Variants in KLRG2 observed in about 807,000 individuals in gnomAD.
KLRG2 encodes the protein killer cell lectin like receptor G2.
A neutral mutation model predicts 35.4 loss-of-function variants in KLRG2; 39 were observed. That is an observed-to-expected ratio of 1.10 (90% CI 0.85 to 1.44). KLRG2 has a LOEUF of 1.44. Among genes scored for constraint, KLRG2 ranks in the 40% most tolerant of loss-of-function variants. KLRG2 has a pLI of 0.00. For missense variants in KLRG2, 632 were observed against 570.9 expected (o/e 1.11, Z -1.09); for synonymous variants, 283 against 265.8 (o/e 1.06, Z -0.63).
At chr7:139,481,042 CT>C (rs1422484498) in intron 1 of KLRG2, among the ~76,000 whole-genome samples, 1 of 152,164 alleles carries the variant, frequency 6.6e-6, no homozygotes, top group Admixed American at 6.5e-5. Context: ...CCGTGCCCAG[CT>C]TCAGGAGCCT....
intron 3 of KLRG2, 86 bp from the exon 4 acceptor site, chr7:139,454,300 A>G: frequency 1.4e-6 from 1 of 706,512 alleles, no homozygotes; most frequent in Non-Finnish European, 2.5e-6. Context: ...CTTCCACAGG[A>G]TCCCAGCTGG....
chr7:139,450,036 A>AT (rs916245600), downstream of KLRG2, among the ~76,000 whole-genome samples: 6 of 145,124 alleles, frequency 4.1e-5, no homozygotes, highest in South Asian at 2.2e-4. Context: ...TCTATTAACA[A>AT]TTTTTTTTGT....
chr7:139,453,833 C>G, intron 4 of KLRG2, 126 bp from the exon 5 acceptor site: 1 of 1,137,188 alleles, frequency 8.8e-7, no homozygotes, highest in Non-Finnish European at 1.3e-6. Context: ...AGTCACTGCA[C>G]TGGTCAGCCA....
chr7:139,437,976 T>C, the KLRG2 span, among the ~76,000 whole-genome samples: 3 of 152,168 alleles, frequency 2.0e-5, no homozygotes, highest in East Asian at 5.8e-4. Flanking sequence ...GCTAGTGGCC[T>C]GTTGGGGAAA....
Position 139,453,267 on chromosome 7 carries a change from C to A in KLRG2, c.*320G>T. 2.1e-6 allele frequency: 1 copy of A among 476,062 alleles called. No homozygotes were observed. The highest frequency in any genetic ancestry group is 4.2e-5 in the South Asian group (1 of 23,958). 29.5% of individuals were successfully genotyped at this position (476,062 alleles called of 1,614,324 possible). A position where few individuals can be genotyped will look rare whatever the true frequency, so the allele number is the denominator to read the frequency against. On this transcript the variant is annotated 3_prime_UTR_variant, in exon 5 of 5. Transcript: ENST00000340940. Reference sequence around the variant, plus strand: ...TGGTTGTTAACCCTGTCTTTTTCCTCTAGGGGGAAATTGTCATTTTAATGA... The same window carrying A: ...TGGTTGTTAACCCTGTCTTTTTCCTATAGGGGGAAATTGTCATTTTAATGA...
Position 139,453,582 on chromosome 7 carries a change from C to T in KLRG2, c.*5G>A. The T allele has an allele frequency of 1.3e-6, 2 of 1,591,178 alleles. No individual in the cohort carries two copies. The highest frequency in any genetic ancestry group is 2.3e-5 in the East Asian group (1 of 43,702). On this transcript the variant is annotated 3_prime_UTR_variant, in exon 5 of 5. Transcript: ENST00000340940. ...TGGCAGGCTGAGGACCAGGCAGAGC[C>T]CAGATCACTGGGTCCCCTTGGCACA...
At position 139,483,225 on chromosome 7, in the gene KLRG2, T is replaced by G. The variant is rs1339216965; in HGVS notation, c.418A>C (p.Ser140Arg). ...GTGGAGGGCCTGGGCGATGGCGTGC[T>G]GCTGCCACCGGCCGCGCCCACGGGC... ...VKPVGAAGGS[S>R]TPSPRPSTRF... Residue 140 changes from serine (S) to arginine (R), a missense_variant, in exon 1 of 5, where the codon AGC (serine) becomes CGC (arginine). Ser to Arg is a moderately radical substitution (Grantham distance 110). Coordinates refer to ENST00000340940, the MANE Select transcript of KLRG2 (RefSeq NM_198508.4). 1.3e-6 allele frequency: 2 copies of G among 1,534,778 alleles called. No homozygotes were observed. The highest frequency in any genetic ancestry group is 1.7e-6 in the Non-Finnish European group (2 of 1,151,470).
At chr7:139,469,563 GAC>G (rs1309654666) in intron 3 of KLRG2, among the ~76,000 whole-genome samples, 2 of 151,948 alleles carry the variant, frequency 1.3e-5, no homozygotes, top group African/African-American at 4.8e-5. Flanking sequence ...TTCTGCCTCA[GAC>G]TCTTAAGTAG....
In KLRG2 at chr7:139,453,216, A is replaced by C; in HGVS notation, c.*371T>G. ...GGCAGACTCATTTCCATGAGCCGGA[A>C]TGAGAACCCAGATTGGAATCCGCTG... On this transcript the variant is annotated 3_prime_UTR_variant, in exon 5 of 5. Transcript: ENST00000340940. 1 of 398,064 alleles carries C rather than the reference A, an allele frequency of 2.5e-6. No individual in the cohort carries two copies. Among genetic ancestry groups the C allele is most frequent in the Non-Finnish European group, 4.4e-6 (1 of 226,818 alleles). 24.7% of individuals were successfully genotyped at this position (398,064 alleles called of 1,614,324 possible).
At chr7:139,461,850 G>A (rs566105071) in intron 3 of KLRG2, among the ~76,000 whole-genome samples, 10 of 152,088 alleles carry the variant, frequency 6.6e-5, no homozygotes, top group African/African-American at 1.7e-4. Flanking sequence ...CTCTTCACAC[G>A]GATGCGTGTG....
At chr7:139,467,945 C>T (rs538086598) in intron 3 of KLRG2, among the ~76,000 whole-genome samples, 2 of 152,326 alleles carry the variant, frequency 1.3e-5, no homozygotes, top group East Asian at 3.9e-4. Context: ...GGTATAAAAC[C>T]TGATTGTATG....
intron 3 of KLRG2, among the ~76,000 whole-genome samples, chr7:139,463,827 T>C (rs138095716): frequency 4.0e-4 from 61 of 152,262 alleles, no homozygotes; most frequent in Non-Finnish European, 6.8e-4. Flanking sequence ...GTAACTCTTA[T>C]AGAGTGAAGG....
chr7:139,460,813 G>C (rs1212133604), intron 3 of KLRG2, among the ~76,000 whole-genome samples: 1 of 152,108 alleles, frequency 6.6e-6, no homozygotes, highest in African/African-American at 2.4e-5. Context: ...ACAAAAATTA[G>C]CTGCATGTGG....
At chr7:139,458,874 C>T (rs1796521857) in intron 3 of KLRG2, among the ~76,000 whole-genome samples, 1 of 152,186 alleles carries the variant, frequency 6.6e-6, no homozygotes, top group Admixed American at 6.5e-5. Context: ...CTCTGGGCAC[C>T]CTGGCCCTGG....
chr7:139,464,092 C>T (rs1453151438), intron 3 of KLRG2, among the ~76,000 whole-genome samples: 6 of 152,132 alleles, frequency 3.9e-5, no homozygotes, highest in Non-Finnish European at 7.4e-5. Flanking sequence ...CTGACTGTTC[C>T]TGGGCTACAG....
At chr7:139,458,788 C>T (rs1796520217) in intron 3 of KLRG2, among the ~76,000 whole-genome samples, 1 of 152,194 alleles carries the variant, frequency 6.6e-6, no homozygotes, top group South Asian at 2.1e-4. Context: ...TAATGGTGAG[C>T]ACTTACAACT....
intron 3 of KLRG2, among the ~76,000 whole-genome samples, chr7:139,466,067 C>T (rs1352310445): frequency 2.0e-5 from 3 of 152,138 alleles, no homozygotes; most frequent in Admixed American, 6.5e-5. Flanking sequence ...TCCTTTCCAT[C>T]GTAAAAATCT....
the KLRG2 span, among the ~76,000 whole-genome samples, chr7:139,439,920 C>T: frequency 6.6e-6 from 1 of 152,124 alleles, no homozygotes; most frequent in Non-Finnish European, 1.5e-5. Context: ...TTTATTCTGT[C>T]ACAGTTCTGG....
rs979078330 is a variant in KLRG2, at chr7:139,482,985, G to A, written c.658C>T (p.Arg220Cys). The change falls in exon 1 of 5, where the codon CGC becomes TGC. Residue 220 changes from arginine (R) to cysteine (C), a missense_variant. Transcript: ENST00000340940. ...AGSPGSPTCC[R>C]CKELGLEKED... is the part of the protein sequence containing the mutation. ...TTCTCCAGCCCCAGCTCCTTGCAGC[G>A]GCAGCACGTGGGGGAGCCCGGGGAG... is the stretch of plus-strand genomic sequence containing the variant. 1 of 1,408,554 alleles carries A rather than the reference G, an allele frequency of 7.1e-7. No individual in the cohort carries two copies. The highest frequency in any genetic ancestry group is 1.6e-5 in the South Asian group (1 of 64,094). The allele number at this position is 1,408,554 out of a possible 1,614,324, so 87.3% of individuals were successfully genotyped here.
Sources: gnomAD v4.1 joint callset for allele counts (sites outside exome capture counted in the v4.1 genomes callset) on GRCh38, gnomAD v4.1.1 for gene constraint, MANE v1.5 for transcripts, NCBI Gene and HGNC (gene_info 2026-07-23, HGNC 2026-07-21) for gene names.